CCDC136: variants seen among roughly 807,000 people sequenced by gnomAD.
CCDC136 encodes the protein coiled-coil domain-containing protein 136.
CCDC136 carries 100 observed loss-of-function variants against 141.2 expected under a neutral mutation model. That is an observed-to-expected ratio of 0.71 (90% CI 0.60 to 0.84). CCDC136 has a LOEUF of 0.84. CCDC136 is among the 40% of genes least tolerant of loss of function. The probability of loss-of-function intolerance (pLI) is 0.00; values close to 1 mark genes in which losing one functional copy is unlikely to be tolerated. For missense variants in CCDC136, 1,206 were observed against 1,379.4 expected (o/e 0.87, Z 1.99); for synonymous variants, 474 against 531.9 (o/e 0.89, Z 1.50).
intron 17 of CCDC136, among the ~76,000 whole-genome samples, chr7:128,820,399 C>T (rs1442415596): frequency 1.3e-5 from 2 of 152,172 alleles, no homozygotes; most frequent in Non-Finnish European, 2.9e-5. Flanking sequence ...ACACGACTTC[C>T]CCTTTGGGAC....
At chr7:128,809,096 C>T in intron 10 of CCDC136, 1 of 454,236 alleles carries the variant, frequency 2.2e-6, no homozygotes, top group Non-Finnish European at 3.0e-6. Flanking sequence ...TAAGAGTTCC[C>T]AACAGGGTGG....
upstream of CCDC136, chr7:128,791,403 C>T: frequency 2.2e-6 from 2 of 899,460 alleles, 1 homozygote; most frequent in South Asian, 8.3e-5. The surrounding 1 kb of genome is among the most constrained non-coding windows in gnomAD (Gnocchi z 7.1). Flanking sequence ...CTCGTCCGCC[C>T]TCCCTCCCTC....
rs1806285406 is a variant in CCDC136 at position 128,814,528 on chromosome 7, G to A, written c.2764-110G>A. 4 of 734,764 alleles carry A rather than the reference G, an allele frequency of 5.4e-6. No homozygotes were observed. In the South Asian group the frequency reaches 9.7e-5, roughly 18 times the overall value. The allele number at this position is 734,764 out of a possible 1,614,324, so 45.5% of individuals were successfully genotyped here. A position where few individuals can be genotyped will look rare whatever the true frequency, so the allele number is the denominator to read the frequency against. On this transcript the variant is annotated intron_variant, in intron 14 of 17. Transcript: ENST00000297788. The stretch of plus-strand genomic sequence containing the variant: ...GTCTACTTCCTATGGGCTTTAACAG[G>A]GAGATTTCTGAGACAGTGACCCCCA...
At chr7:128,804,241 T>C (rs2402938) in intron 4 of CCDC136, among the ~76,000 whole-genome samples, 24,306 of 152,294 alleles carry the variant, frequency 0.16, 2,076 homozygotes, top group African/African-American at 0.2. Context: ...CTCAGCTTTT[T>C]GTACTAAAAG....
At chr7:128,818,804 C>T (rs902778307) in intron 17 of CCDC136, among the ~76,000 whole-genome samples, 3 of 152,182 alleles carry the variant, frequency 2.0e-5, no homozygotes, top group South Asian at 2.1e-4. Context: ...CACCTGCCTT[C>T]TGGAACCCAT....
In CCDC136 at chr7:128,813,338, C is replaced by A. The variant is rs372734626; in HGVS notation, c.2763+409C>A. On this transcript the variant is annotated intron_variant, in intron 14 of 17. Coordinates refer to ENST00000297788, the MANE Select transcript of CCDC136 (RefSeq NM_022742.5). ...GACATGTCTCCTTTTGGATCGCTCA[C>A]AATGCCAAGAAGAGTGCTCTGCACC... Among the ~76,000 whole-genome samples the A allele has an allele frequency of 7.2e-5, 11 of 152,326 alleles. No individual in the cohort carries two copies. In the East Asian group the frequency reaches 1.9e-3, roughly 27 times the overall value.
chr7:128,805,648 C>T lies in CCDC136; in HGVS notation c.949-113C>T. 1 of 1,538,522 alleles carries T rather than the reference C, an allele frequency of 6.5e-7. No homozygotes were observed. On this transcript the variant is annotated intron_variant, in intron 6 of 17. Transcript: ENST00000297788. This position sits in a 1 kb window ranked among gnomAD's most constrained non-coding sequence, Gnocchi z 4.6. ...AGGGAGATAGTACTCTGGGGTCTCACTTGCCTGATGTAAATCTTCCAGTCA... is the reference window on the plus strand; with the variant it reads ...AGGGAGATAGTACTCTGGGGTCTCATTTGCCTGATGTAAATCTTCCAGTCA...
intron 3 of CCDC136, among the ~76,000 whole-genome samples, chr7:128,796,740 T>TATATATATA (rs61079649): frequency 9.8e-4 from 122 of 124,526 alleles, no homozygotes; most frequent in Non-Finnish European, 1.3e-3. Flanking sequence ...TATATATATA[T>TATATATATA]TCTTTTTTTT....
intron 8 of CCDC136, 41 bp from the exon 9 acceptor site, chr7:128,806,647 A>T: frequency 6.4e-7 from 1 of 1,574,670 alleles, no homozygotes; most frequent in Admixed American, 1.8e-5. Flanking sequence ...TGAGTGGGTT[A>T]AGGAGCCCAA....
Position 128,805,545 on chromosome 7 carries a change from A to G in CCDC136, c.948+21A>G. ...ACAAGGTAGGGCACAGAGGGTGGGG[A>G]AGGCAGGCACATTTCTTGTCTTTCT... On this transcript the variant is annotated intron_variant, in intron 6 of 17. Transcript: ENST00000297788. The surrounding 1 kb of genome is among the most constrained non-coding windows in gnomAD (Gnocchi z 4.6). The G allele has an allele frequency of 1.3e-6, 2 of 1,584,712 alleles. No homozygotes were observed. Among genetic ancestry groups the G allele is most frequent in the African/African-American group, 1.3e-5 (1 of 74,366 alleles).
rs201807209 is a variant in CCDC136 at position 128,792,392 on chromosome 7, G to T, written c.-20G>T. The T allele has an allele frequency of 1.1e-3, 1,813 of 1,611,234 alleles. 3 individuals carry two copies. The highest frequency in any genetic ancestry group is 1.4e-3 in the Non-Finnish European group (1,687 of 1,178,544). ...GAGAGGAAGAAGGGCCAACGCTGGGGGTCCCTGGAACGACGGGGGATGCAA... is the reference window on the plus strand; with the variant it reads ...GAGAGGAAGAAGGGCCAACGCTGGGTGTCCCTGGAACGACGGGGGATGCAA... On this transcript the variant is annotated 5_prime_UTR_variant, in exon 1 of 18. Transcript: ENST00000297788.
At position 128,812,179 on chromosome 7, in the gene CCDC136, G is replaced by C; in HGVS notation, c.2408G>C (p.Ser803Thr). ...STSASEAYGK[S>T]YCTTSNSSIT... ...AGTGCCAGTGAGGCCTATGGGAAGA[G>C]TTACTGCACTACCAGCAACAGCAGC... The change falls in exon 13 of 18, where the codon AGT becomes ACT. Residue 803 changes from serine (S) to threonine (T), a missense_variant. Coordinates refer to ENST00000297788, the MANE Select transcript of CCDC136 (RefSeq NM_022742.5). 6.2e-7 allele frequency: 1 copy of C among 1,614,016 alleles called. No homozygotes were observed. The highest frequency in any genetic ancestry group is 8.5e-7 in the Non-Finnish European group (1 of 1,179,894).
In CCDC136 at chr7:128,812,036, T is replaced by C. The variant is rs752526731; in HGVS notation, c.2265T>C (p.Asn755=). 8 of 1,613,838 alleles carry C rather than the reference T, an allele frequency of 5.0e-6. No homozygotes were observed. The South Asian group carries it at 8.8e-5, about 18-fold the overall frequency. The change falls in exon 13 of 18, where the codon AAT becomes AAC. Residue 755 remains asparagine, a synonymous_variant. Transcript: ENST00000297788. ...GCTATGGTAGCATGGTCCCCAGCAATGAGAACTGTCGCAAGACTTATGATA... is the reference window on the plus strand; with the variant it reads ...GCTATGGTAGCATGGTCCCCAGCAACGAGAACTGTCGCAAGACTTATGATA... ...GKSYGSMVPS[N]ENCRKTYDTT...
At position 128,794,856 on chromosome 7, in the gene CCDC136, C is replaced by A. The variant is rs1802711513; in HGVS notation, c.346+88C>A. On this transcript the variant is annotated intron_variant, in intron 3 of 17. Coordinates refer to ENST00000297788, the MANE Select transcript of CCDC136 (RefSeq NM_022742.5). This position sits in a 1 kb window ranked among gnomAD's most constrained non-coding sequence, Gnocchi z 4.3. ...TCCTGAGGGTTTGACTGAAGCACAG[C>A]AGATAAAAATAACCAAATTCAGTAA... is the stretch of plus-strand genomic sequence containing the variant. The A allele has an allele frequency of 3.9e-6, 4 of 1,019,144 alleles. No individual in the cohort carries two copies. The highest frequency in any genetic ancestry group is 5.9e-6 in the Non-Finnish European group (4 of 676,592). 63.1% of individuals were successfully genotyped at this position (1,019,144 alleles called of 1,614,324 possible).
At chr7:128,810,887 C>CA (rs768610046) in intron 12 of CCDC136, among the ~76,000 whole-genome samples, 32 of 152,206 alleles carry the variant, frequency 2.1e-4, no homozygotes, top group Non-Finnish European at 4.3e-4. Flanking sequence ...ACTGACCACA[C>CA]TATCTTCATT....
chr7:128,811,421 G>A (rs548334217), intron 12 of CCDC136: 2 of 457,894 alleles, frequency 4.4e-6, no homozygotes, highest in African/African-American at 2.0e-5. Flanking sequence ...AACTAGGGGT[G>A]GGCGAGGGGA....
chr7:128,813,611 C>G (rs934720829), intron 14 of CCDC136, among the ~76,000 whole-genome samples: 1 of 152,184 alleles, frequency 6.6e-6, no homozygotes, highest in Non-Finnish European at 1.5e-5. Context: ...GTACACACTT[C>G]AGGAGTGTAC....
At chr7:128,806,152 C>A in intron 7 of CCDC136, 85 bp from the exon 8 acceptor site, 1 of 1,263,604 alleles carries the variant, frequency 7.9e-7, no homozygotes, top group Non-Finnish European at 1.1e-6. Flanking sequence ...AAGATGTCTG[C>A]ATCTGAAAAG....
Position 128,809,642 on chromosome 7 carries a change from A to G in CCDC136, c.1798A>G (p.Lys600Glu), listed in dbSNP as rs142055253. The part of the protein sequence containing the change: ...LPLPKSGLLL[K>E]SQELLTKLED... ...ACTGCCAAAGAGTGGCCTCTTACTC[A>G]AGGTAACTCTGCCACAGGCAGCTGC... Residue 600 changes from lysine to glutamate, a missense_variant and splice_region_variant, in exon 11 of 18, where the codon AAG becomes GAG. Lys to Glu is a moderately conservative substitution (Grantham distance 56). Transcript: ENST00000297788. The G allele has an allele frequency of 2.9e-3, 4,347 of 1,514,630 alleles. 6 individuals are homozygous for G. Among genetic ancestry groups the G allele is most frequent in the Admixed American group, 4.8e-3 (224 of 46,978 alleles). The allele number at this position is 1,514,630 out of a possible 1,614,324, so 93.8% of individuals were successfully genotyped here. A position where few individuals can be genotyped will look rare whatever the true frequency, so the allele number is the denominator to read the frequency against.
Sources: allele counts gnomAD v4.1 joint callset (sites outside exome capture counted in the v4.1 genomes callset), GRCh38; gene constraint gnomAD v4.1.1; non-coding constraint Gnocchi (gnomAD v3.1); transcripts MANE v1.5; gene names NCBI Gene and HGNC (gene_info 2026-07-23, HGNC 2026-07-21).